The following CEBPZ variants were observed in gnomAD, a reference collection of about 807,000 sequenced individuals.
CEBPZ encodes CCAAT/enhancer-binding protein zeta.
Under a neutral mutation model 104.5 loss-of-function variants are expected in CEBPZ, and 78 were observed. That is an observed-to-expected ratio of 0.75 (90% confidence interval 0.62 to 0.90). The LOEUF (loss-of-function observed/expected upper bound fraction) is 0.90, where lower values mean the gene tolerates loss of function less well. CEBPZ is among the 40% of genes least tolerant of loss of function. The probability of loss-of-function intolerance (pLI) is 0.00; values close to 1 mark genes in which losing one functional copy is unlikely to be tolerated. For missense variants in CEBPZ, 1,439 were observed against 1,233.5 expected, an observed-to-expected ratio of 1.17 and a Z score of -2.50; for synonymous variants, 470 against 427.0, an observed-to-expected ratio of 1.10 and a Z score of -1.24.
Position 37,201,623 on chromosome 2 carries a change from G to C in CEBPZ, c.*141C>G, listed in dbSNP as rs1331116936. 5 of 697,284 alleles carry C rather than the reference G, an allele frequency of 7.2e-6. No individual in the cohort carries two copies. Among genetic ancestry groups the C allele is most frequent in the Non-Finnish European group, 1.3e-5 (5 of 388,726 alleles). The allele number at this position is 697,284 out of a possible 1,614,324, so 43.2% of individuals were successfully genotyped here. A position where few individuals can be genotyped will look rare whatever the true frequency, so the allele number is the denominator to read the frequency against. ...TGCTTCCACATGACTTTATAAATGA[G>C]AGCTATTTTTATTTATAGTTTATTA... On this transcript the variant is annotated 3_prime_UTR_variant, in exon 16 of 16. Coordinates refer to ENST00000234170, the MANE Select transcript of CEBPZ (RefSeq NM_005760.3).
rs773220654 is a variant in CEBPZ, at chr2:37,220,447, G to A, written c.2092C>T (p.Pro698Ser). The stretch of plus-strand genomic sequence containing the variant: ...CAGAACAGAGGGTTTCTACTGAATG[G>A]ATCGTATTTATTTAACTGTTTCCCA... Reference protein sequence around the residue: ...KGGKQLNKYDPFSRNPLFCGA... With the variant: ...KGGKQLNKYDSFSRNPLFCGA... The change falls in exon 5 of 16, where the codon CCA (proline) becomes TCA (serine). Residue 698 changes from proline (P) to serine (S), a missense_variant. By Grantham distance (74) the Pro-to-Ser change is moderately conservative. Transcript: ENST00000234170. The A allele has an allele frequency of 1.8e-5, 29 of 1,596,952 alleles. No individual in the cohort carries two copies. Among genetic ancestry groups the A allele is most frequent in the Non-Finnish European group, 2.4e-5 (28 of 1,169,050 alleles).
Position 37,228,181 on chromosome 2 carries a change from G to T in CEBPZ, c.1012C>A (p.Gln338Lys). 6.2e-7 allele frequency: 1 copy of T among 1,614,160 alleles called. No individual in the cohort carries two copies. The highest frequency in any genetic ancestry group is 8.5e-7 in the Non-Finnish European group (1 of 1,180,034). Residue 338 changes from glutamine to lysine, a missense_variant, in exon 2 of 16, where the codon CAG becomes AAG. Physicochemically the swap from Gln to Lys is moderately conservative, Grantham distance 53. Transcript: ENST00000234170. Reference protein sequence around the residue: ...RRLILWYFEHQLKHLVAEFVQ... With the variant: ...RRLILWYFEHKLKHLVAEFVQ... ...AATTCAGCCACTAAGTGTTTCAGCT[G>T]GTGTTCAAAATACCATAATATCAGT...
chr2:37,203,065 A>C (rs1677358530), intron 13 of CEBPZ, 57 bp from the exon 14 acceptor site: 1 of 1,150,874 alleles, frequency 8.7e-7, no homozygotes, highest in African/African-American at 1.6e-5. Context: ...TTTTAGAAAA[A>C]TGCAATGCAA....
chr2:37,202,674 AAAAAAAAAAAAAAAAAAAGAAT>A, intron 15 of CEBPZ, 88 bp downstream of exon 15: 1 of 170,514 alleles, frequency 5.9e-6, no homozygotes, highest in Non-Finnish European at 1.0e-5. Context: ...AAAAAAAAAA[AAAAAAAAAAAAAAAAAAAGAAT>A]AAATAAAATA....
intron 13 of CEBPZ, chr2:37,204,023 T>G (rs951762403): frequency 7.2e-5 from 11 of 152,242 alleles, no homozygotes; most frequent in Admixed American, 2.0e-4. Context: ...AGAGCCACTT[T>G]TGATAAAATA....
At chr2:37,224,078 C>T (rs958867180) in intron 2 of CEBPZ, among the ~76,000 whole-genome samples, 11 of 152,196 alleles carry the variant, frequency 7.2e-5, no homozygotes, top group African/African-American at 2.7e-4. Flanking sequence ...TCCTGCCTTT[C>T]CCTCTTCTCT....
At chr2:37,217,239 G>T (rs1664626386) in intron 5 of CEBPZ, among the ~76,000 whole-genome samples, 2 of 151,800 alleles carry the variant, frequency 1.3e-5, no homozygotes, top group Non-Finnish European at 2.9e-5. Context: ...TCTACAAAAA[G>T]TACAAAAATA....
In CEBPZ at chr2:37,228,757, CTGGCCTATTCTTATTTTTCACCT is replaced by C. The variant is rs1664956353; in HGVS notation, c.413_435del (p.Lys138ArgfsTer5). ...CTGCCATTCTCATCAGAATGTGGTTCTGGCCTATTCTTATTTTTCACCTTATTAACTGATGTCCTTTGACTTTC... is the reference window on the plus strand; with the variant it reads ...CTGCCATTCTCATCAGAATGTGGTTCTATTAACTGATGTCCTTTGACTTTC... On this transcript the variant is annotated frameshift_variant, in exon 2 of 16. Coordinates refer to ENST00000234170, the MANE Select transcript of CEBPZ (RefSeq NM_005760.3). LOFTEE classifies it high-confidence loss of function. The C allele has an allele frequency of 6.2e-7, 1 of 1,613,986 alleles. No individual in the cohort carries two copies. The highest frequency in any genetic ancestry group is 8.5e-7 in the Non-Finnish European group (1 of 1,180,022).
chr2:37,208,499 T>A (rs2148343313), intron 13 of CEBPZ, among the ~76,000 whole-genome samples: 1 of 152,184 alleles, frequency 6.6e-6, no homozygotes, highest in East Asian at 1.9e-4. Flanking sequence ...CATACGCAAG[T>A]CAATAAATAT....
rs200073660 is a variant in CEBPZ at position 37,216,411 on chromosome 2, T to C, written c.2216A>G (p.Tyr739Cys). ...LFAKTILQGN[Y>C]IQYSGDPLQD... ...CAGTGGGTCCCCTGAATACTGAATA[T>C]AGTTTCCCTGAAAAGTGGAGCGGGG... The change falls in exon 7 of 16, where the codon TAT (tyrosine) becomes TGT (cysteine). Residue 739 changes from tyrosine to cysteine, a missense_variant. Coordinates refer to ENST00000234170, the MANE Select transcript of CEBPZ (RefSeq NM_005760.3). The C allele has an allele frequency of 2.7e-5, 44 of 1,607,600 alleles. No homozygotes were observed. In the African/African-American group the frequency reaches 2.8e-4, roughly 10 times the overall value.
At chr2:37,221,319 CA>C (rs371269880) in intron 4 of CEBPZ, among the ~76,000 whole-genome samples, 34 of 150,512 alleles carry the variant, frequency 2.3e-4, no homozygotes, top group African/African-American at 7.8e-4. Flanking sequence ...GACCCTGTCT[CA>C]AAAAAAACAA....
chr2:37,202,124 G>A lies in CEBPZ; in HGVS notation c.3026-221C>T, dbSNP rs186094125. ...GACTAAGGAAGGAAAAGAAACAAAT[G>A]CTCTAAAGATTTTCTCTCCCCAAGC... On this transcript the variant is annotated intron_variant, in intron 15 of 15. Transcript: ENST00000234170. 1,605 of 345,640 alleles carry A rather than the reference G, an allele frequency of 4.6e-3. 5 individuals carry two copies. The highest frequency in any genetic ancestry group is 6.9e-3 in the Non-Finnish European group (1,334 of 194,204). The allele number at this position is 345,640 out of a possible 1,614,324, so 21.4% of individuals were successfully genotyped here. A position where few individuals can be genotyped will look rare whatever the true frequency, so the allele number is the denominator to read the frequency against.
chr2:37,228,417 G>C lies in CEBPZ; in HGVS notation c.776C>G (p.Ala259Gly). Residue 259 changes from alanine to glycine, a missense_variant, in exon 2 of 16, where the codon GCC becomes GGC. Physicochemically the swap from Ala to Gly is moderately conservative, Grantham distance 60 (BLOSUM62 0). Coordinates refer to ENST00000234170, the MANE Select transcript of CEBPZ (RefSeq NM_005760.3). The part of the protein sequence containing the change: ...AAMILLIQDD[A>G]VHTLQFVETL... ...TTCTACAAACTGAAGTGTGTGAACG[G>C]CATCATCCTGAATAAGAAGAATCAT... 6.2e-7 allele frequency: 1 copy of C among 1,614,190 alleles called. No homozygotes were observed. Among genetic ancestry groups the C allele is most frequent in the Non-Finnish European group, 8.5e-7 (1 of 1,180,028 alleles).
chr2:37,212,188 T>C lies in CEBPZ; in HGVS notation c.2603+147A>G, dbSNP rs1445971822. 6 of 977,752 alleles carry C rather than the reference T, an allele frequency of 6.1e-6. No homozygotes were observed. In the East Asian group the frequency reaches 7.2e-5, roughly 12 times the overall value. 60.6% of individuals were successfully genotyped at this position (977,752 alleles called of 1,614,324 possible). ...AGTAAATAATAACGTGCTTTATAAATGTCAAAGATGAAAGTACTGTATCCA... is the reference window on the plus strand; with the variant it reads ...AGTAAATAATAACGTGCTTTATAAACGTCAAAGATGAAAGTACTGTATCCA... On this transcript the variant is annotated intron_variant, in intron 11 of 15. Transcript: ENST00000234170.
chr2:37,208,213 T>C (rs1677603518), intron 13 of CEBPZ, among the ~76,000 whole-genome samples: 1 of 152,132 alleles, frequency 6.6e-6, no homozygotes, highest in Non-Finnish European at 1.5e-5. Flanking sequence ...CTGAATTCTA[T>C]CAGACATTCA....
At position 37,228,953 on chromosome 2, in the gene CEBPZ, C is replaced by G. The variant is rs757462133; in HGVS notation, c.240G>C (p.Gln80His). 3.1e-6 allele frequency: 5 copies of G among 1,609,036 alleles called. No homozygotes were observed. In the East Asian group the frequency reaches 8.9e-5, roughly 29 times the overall value. ...GGKKGAIDDL[Q>H]QGELEAFIQN... Reference sequence around the variant, plus strand: ...GAATAAATGCTTCCAATTCACCTTGCTGAAGGTCATCGATTGCTCCTTTTT... The same window carrying G: ...GAATAAATGCTTCCAATTCACCTTGGTGAAGGTCATCGATTGCTCCTTTTT... Residue 80 changes from glutamine to histidine, a missense_variant, in exon 2 of 16, where the codon CAG (glutamine) becomes CAC (histidine). Transcript: ENST00000234170.
At chr2:37,214,833 AAAAATT>A in intron 9 of CEBPZ, 47 bp downstream of exon 9, 1 of 1,152,940 alleles carries the variant, frequency 8.7e-7, no homozygotes, top group Non-Finnish European at 1.3e-6. Context: ...TATGAAATCT[AAAAATT>A]TAAATTTTAG....
chr2:37,210,927 C>A, intron 13 of CEBPZ, 72 bp downstream of exon 13: 7 of 961,420 alleles, frequency 7.3e-6, no homozygotes, highest in South Asian at 1.6e-5. Context: ...TAGGAGAGTT[C>A]ATTTCCCAAA....
chr2:37,222,412 A>G lies in CEBPZ; in HGVS notation c.2033T>C (p.Val678Ala). Residue 678 changes from valine (V) to alanine (A), a missense_variant, in exon 4 of 16, where the codon GTT becomes GCT. Physicochemically the swap from Val to Ala is moderately conservative, Grantham distance 64. Coordinates refer to ENST00000234170, the MANE Select transcript of CEBPZ (RefSeq NM_005760.3). The part of the protein sequence containing the change: ...ETDVETKKPE[V>A]ASWVHFDNLK... ...ATTATCAAAGTGCACCCAGGAAGCAACCTCTGGTTTTTTGGTTTCTACATC... is the reference window on the plus strand; with the variant it reads ...ATTATCAAAGTGCACCCAGGAAGCAGCCTCTGGTTTTTTGGTTTCTACATC... 6.3e-7 allele frequency: 1 copy of G among 1,596,626 alleles called. No homozygotes were observed. The highest frequency in any genetic ancestry group is 8.5e-7 in the Non-Finnish European group (1 of 1,174,860).
Sources: gnomAD v4.1 joint callset for allele counts (sites outside exome capture counted in the v4.1 genomes callset) on GRCh38, gnomAD v4.1.1 for gene constraint, MANE v1.5 for transcripts, NCBI Gene and HGNC (gene_info 2026-07-23, HGNC 2026-07-21) for gene names.